The following OPRM1 variants were observed in gnomAD, a reference collection of about 807,000 sequenced individuals.
OPRM1 encodes opioid receptor mu 1.
OPRM1 carries 27 observed loss-of-function variants against 31.8 expected under a neutral mutation model. That is an observed-to-expected ratio of 0.85 (90% CI 0.63 to 1.17). The LOEUF (loss-of-function observed/expected upper bound fraction) is 1.17. Ranked by LOEUF, OPRM1 falls within the 50% of genes most tolerant of loss-of-function variation. The pLI is 0.00. For missense variants in OPRM1, 536 were observed against 511.1 expected (o/e 1.05, Z -0.47); for synonymous variants, 196 against 189.9 (o/e 1.03, Z -0.26).
chr6:154,168,497 A>G lies in OPRM1; in HGVS notation c.1164+77025A>G, dbSNP rs2128554243. 6.6e-6 allele frequency among the ~76,000 whole-genome samples: 1 copy of G among 152,266 alleles called. No homozygotes were observed. Among genetic ancestry groups the G allele is most frequent in the African/African-American group, 2.4e-5 (1 of 41,548 alleles). ...GATTAGAAACCTGCCCTATTAACTC[A>G]TCTTAACTAGTTAAATCTGCAACAA... On this transcript the variant is annotated intron_variant, in intron 3 of 3. Transcript: ENST00000337049. The surrounding 1 kb of genome is among the most constrained non-coding windows in gnomAD (Gnocchi z 4.1).
At chr6:154,104,656 A>G (rs1233803697) in intron 3 of OPRM1, among the ~76,000 whole-genome samples, 4 of 152,318 alleles carry the variant, frequency 2.6e-5, no homozygotes, top group Admixed American at 6.5e-5. Context: ...TTCTCTCTCT[A>G]GTTTCCCATT....
intron 3 of OPRM1, among the ~76,000 whole-genome samples, chr6:154,186,744 GA>G (rs1801401401): frequency 2.0e-5 from 3 of 152,050 alleles, no homozygotes; most frequent in South Asian, 4.2e-4. Flanking sequence ...TTTTAGTAGA[GA>G]GGGGGTTTCA....
intron 3 of OPRM1, among the ~76,000 whole-genome samples, chr6:154,110,843 C>T (rs777239459): frequency 1.1e-4 from 15 of 138,948 alleles, no homozygotes; most frequent in Non-Finnish European, 1.7e-4. Context: ...GCAGAGATCG[C>T]GCCACTGCAC....
upstream of OPRM1, chr6:154,039,024 T>C: frequency 3.0e-6 from 3 of 1,015,636 alleles, no homozygotes; most frequent in Non-Finnish European, 4.2e-6. Flanking sequence ...ATCAAGCCAA[T>C]GTATTCCCTG....
At chr6:154,224,784 A>G (rs1779126562) in intron 3 of OPRM1, among the ~76,000 whole-genome samples, 1 of 152,148 alleles carries the variant, frequency 6.6e-6, no homozygotes. Context: ...TAAACATTAT[A>G]TATGCATATG....
intron 3 of OPRM1, among the ~76,000 whole-genome samples, chr6:154,180,414 A>ATTTTTT (rs761333730): frequency 2.0e-3 from 129 of 65,222 alleles, no homozygotes; most frequent in African/African-American, 3.8e-3. Flanking sequence ...ATATATATAT[A>ATTTTTT]TTTTTTTTTT....
At chr6:154,110,296 C>A in intron 3 of OPRM1, 1 of 877,230 alleles carries the variant, frequency 1.1e-6, no homozygotes, top group Middle Eastern at 2.3e-4. Flanking sequence ...CTATACATTG[C>A]TAAGAATAAG....
chr6:154,223,370 C>T lies in OPRM1; in HGVS notation c.1165-23323C>T, dbSNP rs935431844. ...GGGAGAATCAAGAGATACCAACCAC[C>T]CTGAATCACCATGGAGGTGTCCCAG... On this transcript the variant is annotated intron_variant, in intron 3 of 3. Transcript: ENST00000337049. 3.3e-5 allele frequency: 24 copies of T among 726,054 alleles called. No homozygotes were observed. The South Asian group carries it at 3.8e-4, about 11-fold the overall frequency. The allele number at this position is 726,054 out of a possible 1,614,324, so 45.0% of individuals were successfully genotyped here.
intron 1 of OPRM1, among the ~76,000 whole-genome samples, chr6:154,047,777 A>C (rs1781428850): frequency 6.6e-6 from 1 of 152,178 alleles, no homozygotes; most frequent in Non-Finnish European, 1.5e-5. Flanking sequence ...GTATGTAAGT[A>C]GGTGTCTTCG....
At chr6:154,160,135 C>T in intron 3 of OPRM1, 1 of 914,994 alleles carries the variant, frequency 1.1e-6, no homozygotes. Context: ...TACACATATA[C>T]ATAAAATTAC....
chr6:154,093,244 TA>T, intron 3 of OPRM1: 1 of 1,584,534 alleles, frequency 6.3e-7, no homozygotes, highest in Non-Finnish European at 8.6e-7. Context: ...ATGGCCATTA[TA>T]AAGTACTGAC....
chr6:154,159,696 C>G, intron 3 of OPRM1: 3 of 687,106 alleles, frequency 4.4e-6, no homozygotes, highest in Non-Finnish European at 7.6e-6. Flanking sequence ...ATCTAACGTG[C>G]ATCTTTAGAT....
intron 1 of OPRM1, among the ~76,000 whole-genome samples, chr6:154,083,291 TAAA>T (rs1789598120): frequency 1.3e-5 from 2 of 151,796 alleles, no homozygotes; most frequent in Admixed American, 1.3e-4. Flanking sequence ...ACAAGAGAAA[TAAA>T]GAAGAAGGCA....
chr6:154,036,596 T>C (rs1260622679), upstream of OPRM1, among the ~76,000 whole-genome samples: 3 of 151,976 alleles, frequency 2.0e-5, no homozygotes, highest in African/African-American at 4.8e-5. Context: ...GGCTAGTCCA[T>C]AAGTCTATAC....
rs1562472037 is a variant in OPRM1 at position 154,100,082 on chromosome 6, T to TATATATCATGATATATATCATATG, written c.1164+8616_1164+8617insCATGATATATATCATATGATATAT. ...ATATATATCATGATATATATCATAT[T>TATATATCATGATATATATCATATG]ATATATTATCATATTATGATATATA... is the stretch of plus-strand genomic sequence containing the variant. On this transcript the variant is annotated intron_variant, in intron 3 of 3. Transcript: ENST00000330432. Among the ~76,000 whole-genome samples, 10 of 98,936 alleles carry TATATATCATGATATATATCATATG rather than the reference T, an allele frequency of 1.0e-4. No homozygotes were observed. The South Asian group carries it at 1.3e-3, about 13-fold the overall frequency. The allele number at this position is 98,936 out of a possible 152,430, so 64.9% of individuals were successfully genotyped here.
At chr6:154,231,378 C>A (rs965144797) in intron 3 of OPRM1, among the ~76,000 whole-genome samples, 1 of 152,132 alleles carries the variant, frequency 6.6e-6, no homozygotes, top group African/African-American at 2.4e-5. Flanking sequence ...GCCCATTGAC[C>A]CAGAAATTCC....
At position 154,166,799 on chromosome 6, in the gene OPRM1, C is replaced by T. The variant is rs1032934709; in HGVS notation, c.1164+75327C>T. On this transcript the variant is annotated intron_variant, in intron 3 of 3. Transcript: ENST00000337049. ...AAGAAGACAGTAAAATCCCAACACG[C>T]TATGACATATTACATTGAATAATCA... 8.5e-5 allele frequency among the ~76,000 whole-genome samples: 13 copies of T among 152,276 alleles called. No homozygotes were observed. The East Asian group carries it at 2.5e-3, about 29-fold the overall frequency.
chr6:154,010,972 G>A, exon 1 of OPRM1: 2 of 1,293,566 alleles, frequency 1.5e-6, no homozygotes, highest in Non-Finnish European at 2.0e-6. Context: ...TCACACTGTG[G>A]CAGGAGAAGC....
intron 3 of OPRM1, among the ~76,000 whole-genome samples, chr6:154,098,938 G>A (rs1009580893): frequency 6.6e-6 from 1 of 152,062 alleles, no homozygotes; most frequent in South Asian, 2.1e-4. Context: ...TTATAGAGTA[G>A]AGTTTCTGAG....
Sources: allele counts gnomAD v4.1 joint callset (sites outside exome capture counted in the v4.1 genomes callset), GRCh38; gene constraint gnomAD v4.1.1; non-coding constraint Gnocchi (gnomAD v3.1); transcripts MANE v1.5; gene names NCBI Gene and HGNC (gene_info 2026-07-23, HGNC 2026-07-21).